Variants in GALNT2 observed in about 807,000 individuals in gnomAD.
GALNT2 encodes polypeptide N-acetylgalactosaminyltransferase 2, also known as UDP-GalNAc:polypeptide N-acetylgalactosaminyltransferase 2.
Under a neutral mutation model 81.4 loss-of-function variants are expected in GALNT2, and 31 were observed. The observed-to-expected ratio is 0.38, with a 90% confidence interval of 0.29 to 0.51. The LOEUF (loss-of-function observed/expected upper bound fraction) is 0.51. GALNT2 is among the 20% of genes least tolerant of loss of function. GALNT2 has a pLI of 0.87. For missense variants in GALNT2, 629 were observed against 765.7 expected, an observed-to-expected ratio of 0.82 and a Z score of 2.11; for synonymous variants, 303 against 287.4, an observed-to-expected ratio of 1.05 and a Z score of -0.55.
In GALNT2 at chr1:230,249,192, T is replaced by G. The variant is rs1412645326; in HGVS notation, c.826T>G (p.Trp276Gly). The G allele has an allele frequency of 6.2e-7, 1 of 1,614,040 alleles. No individual in the cohort carries two copies. Among genetic ancestry groups the G allele is most frequent in the Non-Finnish European group, 8.5e-7 (1 of 1,180,012 alleles). ...ASADLKGGFD[W>G]NLVFKWDYMT... is the part of the protein sequence containing the mutation. ...CTTTTCCTGGCTGGCAGGTTTTGAT[T>G]GGAACTTGGTATTCAAGTGGGATTA... The change falls in exon 9 of 16, where the codon TGG becomes GGG. Residue 276 changes from tryptophan (W) to glycine (G), a missense_variant. Physicochemically the swap from Trp to Gly is radical, Grantham distance 184 (BLOSUM62 -2). Transcript: ENST00000366672.
At chr1:230,259,498 A>C (rs1270801062) in intron 11 of GALNT2, 1 of 152,216 alleles carries the variant, frequency 6.6e-6, no homozygotes, top group Non-Finnish European at 1.5e-5. Context: ...ATTGCAATAG[A>C]GAAAGAGTTT....
chr1:230,213,318 C>T (rs145815201), intron 3 of GALNT2, among the ~76,000 whole-genome samples: 180 of 152,318 alleles, frequency 1.2e-3, no homozygotes, highest in African/African-American at 4.2e-3. Context: ...GAGCTCTGTT[C>T]TTTCTATTTT....
At chr1:230,179,603 T>A (rs1663095489) in intron 2 of GALNT2, among the ~76,000 whole-genome samples, 1 of 152,240 alleles carries the variant, frequency 6.6e-6, no homozygotes, top group Non-Finnish European at 1.5e-5. Flanking sequence ...ATATTTTCTT[T>A]TCTGAGGTGT....
chr1:230,218,049 C>T (rs1229424910), intron 3 of GALNT2, among the ~76,000 whole-genome samples: 1 of 152,076 alleles, frequency 6.6e-6, no homozygotes, highest in Admixed American at 6.5e-5. Context: ...TGTGATAAGA[C>T]CAGGTTTACT....
intron 1 of GALNT2, among the ~76,000 whole-genome samples, chr1:230,082,129 C>T (rs1659751985): frequency 6.6e-6 from 1 of 152,160 alleles, no homozygotes; most frequent in African/African-American, 2.4e-5. Flanking sequence ...GCAGAGGCAC[C>T]TGGTGAGGCA....
intron 1 of GALNT2, among the ~76,000 whole-genome samples, chr1:230,071,832 C>T (rs1659385219): frequency 6.6e-6 from 1 of 152,144 alleles, no homozygotes; most frequent in African/African-American, 2.4e-5. Flanking sequence ...ATAAAGTTTC[C>T]CAATTCTGGA....
intron 11 of GALNT2, among the ~76,000 whole-genome samples, chr1:230,258,151 G>A (rs1665770495): frequency 6.6e-6 from 1 of 152,138 alleles, no homozygotes. Flanking sequence ...CTGACCTCAG[G>A]TGATCTGCCC....
chr1:230,106,230 G>C (rs17381050), intron 1 of GALNT2, among the ~76,000 whole-genome samples: 6,191 of 152,246 alleles, frequency 0.041, 176 homozygotes, highest in Non-Finnish European at 0.062. Context: ...GCAGCAAGTT[G>C]ATCTCTCTGT....
chr1:230,269,586 C>A (rs28490253), intron 14 of GALNT2, among the ~76,000 whole-genome samples: 11,023 of 152,180 alleles, frequency 0.072, 997 homozygotes, highest in East Asian at 0.37. Flanking sequence ...TCTCTAAGAG[C>A]TAACAAGTGA....
chr1:230,101,208 C>A (rs1220404625), intron 1 of GALNT2, among the ~76,000 whole-genome samples: 1 of 152,218 alleles, frequency 6.6e-6, no homozygotes, highest in African/African-American at 2.4e-5. Flanking sequence ...TGGATATACA[C>A]ATACACATAT....
intron 1 of GALNT2, among the ~76,000 whole-genome samples, chr1:230,098,328 G>A (rs1660308352): frequency 6.6e-6 from 1 of 151,938 alleles, no homozygotes; most frequent in Non-Finnish European, 1.5e-5. Context: ...TATACTGTGG[G>A]ATAGCATTCT....
chr1:230,067,707 C>T (rs951847983), intron 1 of GALNT2, among the ~76,000 whole-genome samples: 3 of 152,124 alleles, frequency 2.0e-5, no homozygotes, highest in Non-Finnish European at 4.4e-5. Context: ...GCCCCATCCC[C>T]TGCGGTTGGA....
At chr1:230,064,062 T>C (rs1659108890), upstream of GALNT2, among the ~76,000 whole-genome samples, 2 of 152,248 alleles carry the variant, frequency 1.3e-5, no homozygotes. Context: ...TTCCAATATT[T>C]GGGAATACAT....
rs1381800127 is a variant in GALNT2, at chr1:230,262,555, G to C, written c.1137-18G>C. The C allele has an allele frequency of 6.2e-7, 1 of 1,605,280 alleles. No homozygotes were observed. Among genetic ancestry groups the C allele is most frequent in the South Asian group, 1.1e-5 (1 of 90,872 alleles). On this transcript the variant is annotated intron_variant, in intron 11 of 15. Transcript: ENST00000366672. Reference sequence around the variant, plus strand: ...AGAAAGAAAGGAAATCACACCTCAAGATTTATTTTCTTTCTAGAAACACCC... The same window carrying C: ...AGAAAGAAAGGAAATCACACCTCAACATTTATTTTCTTTCTAGAAACACCC...
intron 3 of GALNT2, among the ~76,000 whole-genome samples, chr1:230,216,369 A>T (rs1664390191): frequency 6.6e-6 from 1 of 152,240 alleles, no homozygotes; most frequent in South Asian, 2.1e-4. Flanking sequence ...TAATGAACTT[A>T]AAAGAAGCAG....
chr1:230,160,864 A>AG (rs202236932), intron 1 of GALNT2, among the ~76,000 whole-genome samples: 1 of 150,888 alleles, frequency 6.6e-6, no homozygotes, highest in East Asian at 2.4e-4. Context: ...TACCCCAAAT[A>AG]GGGTTTTTTT....
chr1:230,119,608 C>A (rs1201152055), intron 1 of GALNT2, among the ~76,000 whole-genome samples: 1 of 152,154 alleles, frequency 6.6e-6, no homozygotes, highest in East Asian at 1.9e-4. Flanking sequence ...AGTGTAATTT[C>A]TTTGCTAGGC....
chr1:230,114,534 C>T (rs1414952599), intron 1 of GALNT2, among the ~76,000 whole-genome samples: 1 of 152,224 alleles, frequency 6.6e-6, no homozygotes, highest in Non-Finnish European at 1.5e-5. Flanking sequence ...GGGGCTTGGG[C>T]TGAACCCGGC....
intron 1 of GALNT2, among the ~76,000 whole-genome samples, chr1:230,116,499 A>G (rs548995698): frequency 6.6e-6 from 1 of 152,300 alleles, no homozygotes; most frequent in East Asian, 1.9e-4. Context: ...AAGTGCTGAG[A>G]TTACAGGCGT....
Sources: allele counts gnomAD v4.1 joint callset (sites outside exome capture counted in the v4.1 genomes callset), GRCh38; gene constraint gnomAD v4.1.1; transcripts MANE v1.5; gene names NCBI Gene and HGNC (gene_info 2026-07-23, HGNC 2026-07-21).